Variants in ANK3 observed in about 807,000 individuals in gnomAD.
The protein encoded by ANK3 is ankyrin 3, also known as ankyrin-3.
ANK3 carries 57 observed loss-of-function variants against 370.9 expected under a neutral mutation model. The ratio of observed to expected loss-of-function variants is 0.15; its 90% CI spans 0.12 to 0.19. The LOEUF (loss-of-function observed/expected upper bound fraction) is 0.19, where lower values mean the gene tolerates loss of function less well. Among genes scored for constraint, ANK3 ranks in the 10% least tolerant of loss-of-function variants. The pLI is 1.00. For synonymous variants in ANK3, 1,929 were observed against 1,946.3 expected (o/e 0.99, Z 0.23); for missense variants, 4,439 against 5,302.1 (o/e 0.84, Z 5.06).
In ANK3 at chr10:60,075,073, T is replaced by C. The variant is rs1397840640; in HGVS notation, c.5808A>G (p.Glu1936=). 3.1e-6 allele frequency: 5 copies of C among 1,613,964 alleles called. No homozygotes were observed. The East Asian group carries it at 1.1e-4, about 36-fold the overall frequency. The stretch of plus-strand genomic sequence containing the variant: ...AAGGTTCTTCATCATCTATTCTCCC[T>C]TCCTTTGGGAGTTCAGGTTGGAATG... The part of the protein sequence containing the change: ...EKPFQPELPK[E]GRIDDEEPFK... The change falls in exon 37 of 44, where the codon GAA becomes GAG. Residue 1936 remains glutamate, a synonymous_variant. Coordinates refer to ENST00000280772, the MANE Select transcript of ANK3 (RefSeq NM_020987.5).
chr10:60,697,894 A>T (rs1370391622), intron 1 of ANK3, among the ~76,000 whole-genome samples: 2 of 151,564 alleles, frequency 1.3e-5, no homozygotes, highest in Admixed American at 1.3e-4. Context: ...AAAAGCCAAA[A>T]TTGACAAATG....
chr10:60,307,011 G>A (rs1196755459), intron 1 of ANK3, among the ~76,000 whole-genome samples: 1 of 152,184 alleles, frequency 6.6e-6, no homozygotes, highest in African/African-American at 2.4e-5. Flanking sequence ...ATTTAGGCAT[G>A]AGCCACTATG....
chr10:60,730,763 T>C (rs569582484), intron 1 of ANK3, among the ~76,000 whole-genome samples: 15 of 152,348 alleles, frequency 9.8e-5, no homozygotes, highest in Admixed American at 4.6e-4. Context: ...GAAAAGTTAC[T>C]TCAGATCTGA....
Position 60,506,261 on chromosome 10 carries a change from C to G in ANK3, c.96+108925G>C, listed in dbSNP as rs552608440. On this transcript the variant is annotated intron_variant, in intron 2 of 43. Coordinates refer to the ANK3 transcript ENST00000373827. Reference sequence around the variant, plus strand: ...AATGATTCTGCTCCTACAAGGGAAGCAACTCAGTTAACATCAGCACCCTTT... The same window carrying G: ...AATGATTCTGCTCCTACAAGGGAAGGAACTCAGTTAACATCAGCACCCTTT... 3.5e-4 allele frequency among the ~76,000 whole-genome samples: 54 copies of G among 152,174 alleles called. No homozygotes were observed. The South Asian group carries it at 0.011, about 31-fold the overall frequency.
intron 2 of ANK3, among the ~76,000 whole-genome samples, chr10:60,486,024 A>AG (rs2075338445): frequency 6.6e-6 from 1 of 152,162 alleles, no homozygotes; most frequent in African/African-American, 2.4e-5. Context: ...AGCCTACTCA[A>AG]AGAAAAACTT....
intron 2 of ANK3, among the ~76,000 whole-genome samples, chr10:60,589,505 A>G (rs1171824999): frequency 6.6e-6 from 1 of 152,176 alleles, no homozygotes; most frequent in Non-Finnish European, 1.5e-5. Context: ...TTTAAGTTCA[A>G]GGTAGCACGT....
intron 2 of ANK3, among the ~76,000 whole-genome samples, chr10:60,417,480 G>C (rs1464710571): frequency 2.0e-5 from 3 of 152,156 alleles, no homozygotes; most frequent in Non-Finnish European, 4.4e-5. Flanking sequence ...GTATAAGGTT[G>C]GTGTTTTATA....
At chr10:60,608,423 A>G (rs2078157439) in intron 2 of ANK3, among the ~76,000 whole-genome samples, 1 of 152,170 alleles carries the variant, frequency 6.6e-6, no homozygotes, top group East Asian at 1.9e-4. Context: ...TAACGTCTTC[A>G]GTTGGGAGAT....
chr10:60,427,661 C>G (rs2063919071), intron 2 of ANK3, among the ~76,000 whole-genome samples: 1 of 151,978 alleles, frequency 6.6e-6, no homozygotes. Flanking sequence ...TTACCACGGA[C>G]ATTTTGTGAT....
chr10:60,328,967 G>A (rs186976703), intron 1 of ANK3, among the ~76,000 whole-genome samples: 149 of 152,264 alleles, frequency 9.8e-4, no homozygotes, highest in African/African-American at 3.5e-3. Context: ...TGGGATGCAA[G>A]GCTAGTTCAA....
intron 11 of ANK3, among the ~76,000 whole-genome samples, chr10:60,205,502 T>C (rs992687896): frequency 1.2e-4 from 19 of 152,106 alleles, no homozygotes; most frequent in Admixed American, 7.2e-4. Context: ...AGTACTACAG[T>C]ATAGGATTTG....
At chr10:60,656,513 C>A (rs1210752340) in intron 1 of ANK3, among the ~76,000 whole-genome samples, 1 of 151,882 alleles carries the variant, frequency 6.6e-6, no homozygotes, top group Non-Finnish European at 1.5e-5. Flanking sequence ...TTACTAATTT[C>A]TAGTGTAATA....
At chr10:60,164,744 G>A (rs2095580980) in intron 23 of ANK3, among the ~76,000 whole-genome samples, 1 of 152,114 alleles carries the variant, frequency 6.6e-6, no homozygotes, top group South Asian at 2.1e-4. Context: ...ATTATTTGAA[G>A]GGCTTGGGCA....
intron 7 of ANK3, among the ~76,000 whole-genome samples, chr10:60,260,857 C>A (rs957208920): frequency 1.2e-4 from 18 of 152,234 alleles, no homozygotes; most frequent in African/African-American, 4.3e-4. Flanking sequence ...TCCTGTACAG[C>A]CCGCAGAACC....
At chr10:60,487,639 C>T (rs1477330278) in intron 2 of ANK3, among the ~76,000 whole-genome samples, 3 of 152,056 alleles carry the variant, frequency 2.0e-5, no homozygotes, top group Non-Finnish European at 4.4e-5. Context: ...CTTGGTAAAT[C>T]CCAAGAGTCT....
chr10:60,539,147 C>A (rs1303335337), intron 2 of ANK3, among the ~76,000 whole-genome samples: 1 of 151,814 alleles, frequency 6.6e-6, no homozygotes, highest in Non-Finnish European at 1.5e-5. Flanking sequence ...AAAAATGAAA[C>A]TACCATTAAT....
At position 60,364,856 on chromosome 10, in the gene ANK3, C is replaced by CAA. The variant is rs374195316; in HGVS notation, c.114+24567_114+24568dup. 1.1e-4 allele frequency among the ~76,000 whole-genome samples: 15 copies of CAA among 139,544 alleles called. No homozygotes were observed. The South Asian group carries it at 1.1e-3, about 11-fold the overall frequency. 91.5% of individuals were successfully genotyped at this position (139,544 alleles called of 152,430 possible). A position where few individuals can be genotyped will look rare whatever the true frequency, so the allele number is the denominator to read the frequency against. ...AGAACTGTATGTTTTAAACAAATAA[C>CAA]AAAAAAAAAAGGAAACATAAATTCA... is the stretch of plus-strand genomic sequence containing the variant. On this transcript the variant is annotated intron_variant, in intron 1 of 43. Coordinates refer to ENST00000280772, the MANE Select transcript of ANK3 (RefSeq NM_020987.5).
At chr10:60,331,846 GAC>G (rs1289486015) in intron 1 of ANK3, among the ~76,000 whole-genome samples, 1 of 152,100 alleles carries the variant, frequency 6.6e-6, no homozygotes, top group African/African-American at 2.4e-5. Context: ...CTGAAGACCT[GAC>G]TTCATTCAGA....
At chr10:60,288,594 T>G in intron 1 of ANK3, among the ~76,000 whole-genome samples, 1 of 151,744 alleles carries the variant, frequency 6.6e-6, no homozygotes, top group East Asian at 1.9e-4. Context: ...GCCAGAAAGG[T>G]TTGAGGAATT....
Sources: allele counts gnomAD v4.1 joint callset (sites outside exome capture counted in the v4.1 genomes callset), GRCh38; gene constraint gnomAD v4.1.1; transcripts MANE v1.5; gene names NCBI Gene and HGNC (gene_info 2026-07-23, HGNC 2026-07-21).